The following ERCC6L2 variants were observed in gnomAD, a reference collection of about 807,000 sequenced individuals.
ERCC6L2 encodes DNA excision repair protein ERCC-6-like 2.
ERCC6L2 carries 77 observed loss-of-function variants against 132.0 expected under a neutral mutation model. That is an observed-to-expected ratio of 0.58 (90% CI 0.49 to 0.71). The LOEUF (loss-of-function observed/expected upper bound fraction) is 0.71. Ranked by LOEUF, ERCC6L2 falls within the 30% of genes least tolerant of loss-of-function variation. The pLI, the probability that ERCC6L2 is intolerant of heterozygous loss-of-function variation, is 0.00. For synonymous variants in ERCC6L2, 583 were observed against 632.4 expected (o/e 0.92, Z 1.17); for missense variants, 1,542 against 1,837.6 (o/e 0.84, Z 2.94).
intron 17 of ERCC6L2, among the ~76,000 whole-genome samples, chr9:96,001,279 T>C (rs1198350719): frequency 6.6e-6 from 1 of 152,160 alleles, no homozygotes; most frequent in African/African-American, 2.4e-5. Flanking sequence ...CAATGCTGGC[T>C]CGGGCAGCCT....
chr9:96,005,167 G>T (rs1833823834), intron 18 of ERCC6L2, among the ~76,000 whole-genome samples: 1 of 152,084 alleles, frequency 6.6e-6, no homozygotes, highest in South Asian at 2.1e-4. Flanking sequence ...CAAAAAATTA[G>T]CCGGGCGTGG....
intron 3 of ERCC6L2, among the ~76,000 whole-genome samples, chr9:95,902,834 A>G (rs914415055): frequency 2.0e-5 from 3 of 152,178 alleles, no homozygotes; most frequent in Non-Finnish European, 4.4e-5. Flanking sequence ...TTTAAATCTA[A>G]TTCTCGTTTT....
chr9:96,037,755 A>G (rs1197385337), intron 19 of ERCC6L2, among the ~76,000 whole-genome samples: 2 of 152,208 alleles, frequency 1.3e-5, no homozygotes, highest in African/African-American at 2.4e-5. Context: ...GAGATCCCAC[A>G]GAGAGATCAA....
At chr9:96,022,978 T>C (rs1834316070), downstream of ERCC6L2, among the ~76,000 whole-genome samples, 1 of 152,208 alleles carries the variant, frequency 6.6e-6, no homozygotes, top group Non-Finnish European at 1.5e-5. Flanking sequence ...CAGCCACTTC[T>C]GGCCACTTCC....
intron 17 of ERCC6L2, among the ~76,000 whole-genome samples, chr9:95,985,489 C>G (rs1003404035): frequency 7.2e-5 from 11 of 152,172 alleles, no homozygotes; most frequent in Admixed American, 5.9e-4. Context: ...AGCATAAATG[C>G]TGGTGTTCTT....
At chr9:95,939,958 G>A (rs62562982) in intron 11 of ERCC6L2, among the ~76,000 whole-genome samples, 18,397 of 152,152 alleles carry the variant, frequency 0.12, 1,252 homozygotes, top group African/African-American at 0.16. Context: ...TGCCAGCCAA[G>A]TAGGGGTGGA....
chr9:96,000,156 G>C (rs1475438177), intron 17 of ERCC6L2, among the ~76,000 whole-genome samples: 1 of 151,840 alleles, frequency 6.6e-6, no homozygotes, highest in Non-Finnish European at 1.5e-5. Flanking sequence ...CAAAGTGCTG[G>C]GATTACAGGT....
At chr9:95,968,146 C>CAAA (rs1460570155) in intron 14 of ERCC6L2, 1 of 151,762 alleles carries the variant, frequency 6.6e-6, no homozygotes, top group Non-Finnish European at 1.5e-5. Context: ...AAACAAAAAA[C>CAAA]AAAAACAAAA....
intron 4 of ERCC6L2, among the ~76,000 whole-genome samples, chr9:95,915,361 A>G (rs1464406951): frequency 6.6e-6 from 1 of 151,968 alleles, no homozygotes; most frequent in Non-Finnish European, 1.5e-5. Context: ...TTTCTTTTAT[A>G]TTTGTTTTTC....
Position 96,012,530 on chromosome 9 carries a change from G to T in ERCC6L2, c.3980G>T (p.Cys1327Phe). The T allele has an allele frequency of 7.3e-7, 1 of 1,367,468 alleles. No individual in the cohort carries two copies. The allele number at this position is 1,367,468 out of a possible 1,614,324, so 84.7% of individuals were successfully genotyped here. A position where few individuals can be genotyped will look rare whatever the true frequency, so the allele number is the denominator to read the frequency against. Residue 1327 changes from cysteine to phenylalanine, a missense_variant, in exon 19 of 19, where the codon TGC becomes TTC. Physicochemically the swap from Cys to Phe is radical, Grantham distance 205. This residue lies in a region of ERCC6L2 where 442 missense variants were observed against 583.4 expected (regional missense o/e 0.76). Coordinates refer to ENST00000653738, the MANE Select transcript of ERCC6L2 (RefSeq NM_020207.7). The part of the protein sequence containing the change: ...KDSTNKISQV[C>F]SLKTYKRKSV... ...TCTACCAACAAAATTTCTCAAGTTTGCAGCCTAAAAACATATAAAAGAAAA... is the reference window on the plus strand; with the variant it reads ...TCTACCAACAAAATTTCTCAAGTTTTCAGCCTAAAAACATATAAAAGAAAA...
At chr9:95,999,995 T>C (rs1833608472) in intron 17 of ERCC6L2, among the ~76,000 whole-genome samples, 1 of 151,912 alleles carries the variant, frequency 6.6e-6, no homozygotes, top group African/African-American at 2.4e-5. Context: ...TTCAAGTGAT[T>C]CTCTTGTCTC....
Position 95,880,992 on chromosome 9 carries a change from C to G in ERCC6L2, c.170C>G (p.Ala57Gly), listed in dbSNP as rs2132513070. ...AAGTCATTTGCAGTCGTCTTATATG[C>G]AGATTTTCAAGAAAGGAAAATACCT... ...NGKSFAVVLY[A>G]DFQERKIPLK... The change falls in exon 2 of 19, where the codon GCA becomes GGA. Residue 57 changes from alanine (A) to glycine (G), a missense_variant. This residue lies in a region of ERCC6L2 where 153 missense variants were observed against 132.3 expected (regional missense o/e 1.16). Transcript: ENST00000653738. 2.5e-6 allele frequency: 4 copies of G among 1,613,948 alleles called. No homozygotes were observed. The highest frequency in any genetic ancestry group is 3.4e-6 in the Non-Finnish European group (4 of 1,179,884).
chr9:95,928,638 T>C lies in ERCC6L2; in HGVS notation c.1606-81T>C. ...AATTATGAACACCAATAATTAATAC[T>C]TAACAAGTCTCAACTTTGTAATGGT... On this transcript the variant is annotated intron_variant, in intron 10 of 18. Coordinates refer to ENST00000653738, the MANE Select transcript of ERCC6L2 (RefSeq NM_020207.7). The C allele has an allele frequency of 8.8e-6, 11 of 1,255,424 alleles. 1 individual carries two copies. In the South Asian group the frequency reaches 1.6e-4, roughly 18 times the overall value. The allele number at this position is 1,255,424 out of a possible 1,614,324, so 77.8% of individuals were successfully genotyped here.
intron 17 of ERCC6L2, among the ~76,000 whole-genome samples, chr9:95,987,357 G>A (rs1321314516): frequency 2.6e-5 from 4 of 152,192 alleles, no homozygotes; most frequent in African/African-American, 9.7e-5. Context: ...AAAATCAAAA[G>A]CAAGTTAGTT....
At position 96,032,305 on chromosome 9, in the gene ERCC6L2, G is replaced by A. The variant is rs73538543; in HGVS notation, c.*1504-6571G>A. Reference sequence around the variant, plus strand: ...GCAGCTCCACTCATGTTGGGCAGCTGCCGCTAGGCCAGGCAGAATCAGCTC... The same window carrying A: ...GCAGCTCCACTCATGTTGGGCAGCTACCGCTAGGCCAGGCAGAATCAGCTC... On this transcript the variant is annotated intron_variant and NMD_transcript_variant, in intron 19 of 20. Coordinates refer to the ERCC6L2 transcript ENST00000670016. 3.2e-3 allele frequency among the ~76,000 whole-genome samples: 495 copies of A among 152,338 alleles called. 4 individuals are homozygous for A. Among genetic ancestry groups the A allele is most frequent in the African/African-American group, 0.012 (481 of 41,572 alleles).
intron 16 of ERCC6L2, among the ~76,000 whole-genome samples, chr9:95,973,312 A>G (rs1050409178): frequency 6.6e-6 from 1 of 152,086 alleles, no homozygotes; most frequent in Non-Finnish European, 1.5e-5. Flanking sequence ...GCCCATCTAA[A>G]TCACAGTTCC....
chr9:96,036,337 C>T (rs1228832218), intron 19 of ERCC6L2, among the ~76,000 whole-genome samples: 1 of 152,174 alleles, frequency 6.6e-6, no homozygotes, highest in African/African-American at 2.4e-5. Context: ...GCATAATGTC[C>T]TCAAGGTTCA....
At chr9:96,036,398 T>A (rs992440980) in intron 19 of ERCC6L2, among the ~76,000 whole-genome samples, 1 of 152,268 alleles carries the variant, frequency 6.6e-6, no homozygotes, top group African/African-American at 2.4e-5. Flanking sequence ...GGCTGCATAA[T>A]ATTCCACATT....
In ERCC6L2 at chr9:95,875,943, G is replaced by C. The variant is rs1827227837; in HGVS notation, c.-96G>C. 7.3e-7 allele frequency: 1 copy of C among 1,369,552 alleles called. No individual in the cohort carries two copies. Among genetic ancestry groups the C allele is most frequent in the Non-Finnish European group, 1.0e-6 (1 of 994,626 alleles). 84.8% of individuals were successfully genotyped at this position (1,369,552 alleles called of 1,614,324 possible). Reference sequence around the variant, plus strand: ...TGCTCGGAGGGCGGCCGGAAGTGGCGTTGGCCGCCATTGGCCTGCCGGCCA... The same window carrying C: ...TGCTCGGAGGGCGGCCGGAAGTGGCCTTGGCCGCCATTGGCCTGCCGGCCA... On this transcript the variant is annotated 5_prime_UTR_variant, in exon 1 of 19. Transcript: ENST00000653738.
Sources: allele counts gnomAD v4.1 joint callset (sites outside exome capture counted in the v4.1 genomes callset), GRCh38; gene constraint gnomAD v4.1.1; regional missense constraint gnomAD v4.1.1; transcripts MANE v1.5; gene names NCBI Gene and HGNC (gene_info 2026-07-23, HGNC 2026-07-21).